Variants in MYOM1 observed in about 807,000 individuals in gnomAD.
MYOM1 encodes myomesin 1, also known as myomesin-1.
A neutral mutation model predicts 205.3 loss-of-function variants in MYOM1; 164 were observed. That is an observed-to-expected ratio of 0.80 (90% confidence interval 0.70 to 0.91). The LOEUF (loss-of-function observed/expected upper bound fraction) is 0.91. MYOM1 is among the 40% of genes least tolerant of loss of function. The pLI is 0.00. For missense variants in MYOM1, 2,011 were observed against 2,127.3 expected (o/e 0.95, Z 1.08); for synonymous variants, 772 against 789.4 (o/e 0.98, Z 0.37).
At chr18:3,146,404 T>C (rs1028164457) in intron 13 of MYOM1, among the ~76,000 whole-genome samples, 1 of 152,098 alleles carries the variant, frequency 6.6e-6, no homozygotes, top group Non-Finnish European at 1.5e-5. Flanking sequence ...CAGCATAACA[T>C]AGTGACATTC....
intron 5 of MYOM1, among the ~76,000 whole-genome samples, chr18:3,185,075 TC>T (rs2080791681): frequency 6.6e-6 from 1 of 152,268 alleles, no homozygotes; most frequent in East Asian, 1.9e-4. Flanking sequence ...TTTGGTCATC[TC>T]CTATTTTTCC....
intron 36 of MYOM1, among the ~76,000 whole-genome samples, chr18:3,073,260 T>C (rs2078982440): frequency 6.6e-6 from 1 of 152,182 alleles, no homozygotes; most frequent in African/African-American, 2.4e-5. Context: ...GCTGGGATCC[T>C]GGGTGCCCTC....
At position 3,075,724 on chromosome 18, in the gene MYOM1, C is replaced by A; in HGVS notation, c.4685+1G>T. 1 of 1,601,220 alleles carries A rather than the reference C, an allele frequency of 6.2e-7. No homozygotes were observed. Among genetic ancestry groups the A allele is most frequent in the Admixed American group, 1.7e-5 (1 of 58,332 alleles). ...GGCATTTGCTAGGACCAGGGACTTA[C>A]TTCAACCTCTGGAATTCAGCATAGG... On this transcript the variant is annotated splice_donor_variant, in intron 35 of 37. Transcript: ENST00000356443. LOFTEE classifies it high-confidence loss of function.
At chr18:3,149,642 T>C (rs2080188928) in intron 12 of MYOM1, among the ~76,000 whole-genome samples, 1 of 152,186 alleles carries the variant, frequency 6.6e-6, no homozygotes, top group Non-Finnish European at 1.5e-5. Context: ...GTGCCGATCC[T>C]GCGGTAAAGC....
rs780282480 is a variant in MYOM1, at chr18:3,075,757, G to A, written c.4653C>T (p.Tyr1551=). The change falls in exon 35 of 38, where the codon TAC becomes TAT. Residue 1551 remains tyrosine, a synonymous_variant. Coordinates refer to ENST00000356443, the MANE Select transcript of MYOM1 (RefSeq NM_003803.4). ...TCTGGAATTCAGCATAGGCCTCATC[G>A]TATGCTTTAAAAGAAAAAAGAAAAG... ...QKTVDLSGQA[Y]DEAYAEFQRL... 18 of 1,588,604 alleles carry A rather than the reference G, an allele frequency of 1.1e-5. No individual in the cohort carries two copies. The highest frequency in any genetic ancestry group is 3.5e-5 in the Admixed American group (2 of 56,528).
intron 23 of MYOM1, among the ~76,000 whole-genome samples, chr18:3,102,041 G>T (rs1192376280): frequency 8.6e-6 from 1 of 116,136 alleles, no homozygotes. Context: ...TGGCTCTGTT[G>T]CCCAGGCTGG....
At position 3,197,673 on chromosome 18, in the gene MYOM1, A is replaced by G. The variant is rs1248659115; in HGVS notation, c.291-3715T>C. ...CGGATCACGAGGTCAGGAGATCGAG[A>G]CCATCCTAGCTAACATGGTGAAACC... On this transcript the variant is annotated intron_variant, in intron 2 of 37. Transcript: ENST00000356443. 2.6e-5 allele frequency among the ~76,000 whole-genome samples: 4 copies of G among 151,764 alleles called. No homozygotes were observed. In the East Asian group the frequency reaches 7.8e-4, roughly 30 times the overall value.
At chr18:3,241,352 C>T in the MYOM1 span, among the ~76,000 whole-genome samples, 1 of 152,218 alleles carries the variant, frequency 6.6e-6, no homozygotes, top group Admixed American at 6.5e-5. Flanking sequence ...TGGTGCCCTG[C>T]ATCCCAGCTG....
the MYOM1 span, among the ~76,000 whole-genome samples, chr18:3,240,101 C>T: frequency 4.6e-5 from 7 of 152,024 alleles, no homozygotes; most frequent in South Asian, 2.1e-4. Flanking sequence ...AGTTTTATTT[C>T]GGGGATTCAA....
At chr18:3,202,209 A>G (rs1163752822) in intron 2 of MYOM1, among the ~76,000 whole-genome samples, 1 of 152,244 alleles carries the variant, frequency 6.6e-6, no homozygotes, top group African/African-American at 2.4e-5. Context: ...TAGTCAAGAA[A>G]CAAAAGAATT....
intron 3 of MYOM1, chr18:3,190,404 T>A (rs2080887436): frequency 6.6e-6 from 1 of 152,206 alleles, no homozygotes; most frequent in Admixed American, 6.5e-5. Flanking sequence ...TCTAAATCTA[T>A]GCTGCTTGCT....
chr18:3,176,060 T>C lies in MYOM1; in HGVS notation c.1004A>G (p.His335Arg). ...KYIIESRYGMHTLEINGCDFE... is the reference protein window; with the variant it reads ...KYIIESRYGMRTLEINGCDFE... ...CTCTTACCCATTAATCTCCAGAGTG[T>C]GCATCCCATATCGACTCTCAATAAT... is the stretch of plus-strand genomic sequence containing the variant. Residue 335 changes from histidine to arginine, a missense_variant, in exon 6 of 38, where the codon CAC becomes CGC. His to Arg is a conservative substitution (Grantham distance 29, BLOSUM62 0). Transcript: ENST00000356443. 6.3e-7 allele frequency: 1 copy of C among 1,599,540 alleles called. No homozygotes were observed. The highest frequency in any genetic ancestry group is 8.6e-7 in the Non-Finnish European group (1 of 1,166,746).
intron 20 of MYOM1, among the ~76,000 whole-genome samples, chr18:3,118,756 G>C (rs920490473): frequency 6.6e-6 from 1 of 152,162 alleles, no homozygotes. Flanking sequence ...CCACTTTTAT[G>C]CAGGTGGCAG....
rs375396428 is a variant in MYOM1, at chr18:3,068,919, A to AT, written c.4765-1365dup. On this transcript the variant is annotated intron_variant, in intron 37 of 37. Coordinates refer to ENST00000356443, the MANE Select transcript of MYOM1 (RefSeq NM_003803.4). ...GGAATGTATGATAAATGCATGTTTC[A>AT]TTTTTTCTTTATTTTTTTTAATTAA... 4.1e-3 allele frequency among the ~76,000 whole-genome samples: 623 copies of AT among 152,006 alleles called. 4 individuals are homozygous for AT. Among genetic ancestry groups the AT allele is most frequent in the African/African-American group, 0.015 (602 of 41,442 alleles).
At chr18:3,188,593 C>T (rs920985581) in intron 4 of MYOM1, among the ~76,000 whole-genome samples, 155 bp downstream of exon 4, 8 of 151,658 alleles carry the variant, frequency 5.3e-5, no homozygotes, top group African/African-American at 1.9e-4. Flanking sequence ...TGCGCCACTG[C>T]ACTCCAACCT....
At chr18:3,215,354 G>A (rs1295589244) in intron 1 of MYOM1, 103 bp from the exon 2 acceptor site, 2 of 944,896 alleles carry the variant, frequency 2.1e-6, no homozygotes, top group Non-Finnish European at 3.1e-6. Flanking sequence ...GGCTGGGTGC[G>A]GTGGTTCATG....
At chr18:3,226,762 A>T in the MYOM1 span, among the ~76,000 whole-genome samples, 1 of 152,152 alleles carries the variant, frequency 6.6e-6, no homozygotes, top group African/African-American at 2.4e-5. This position sits in a 1 kb window ranked among gnomAD's most constrained non-coding sequence, Gnocchi z 4.6. Context: ...AAAGCTCCTG[A>T]CCCACAACAG....
chr18:3,240,557 G>T, the MYOM1 span, among the ~76,000 whole-genome samples: 1 of 152,218 alleles, frequency 6.6e-6, no homozygotes, highest in Non-Finnish European at 1.5e-5. Flanking sequence ...GGAAATGTAA[G>T]TCCACTAAAC....
intron 8 of MYOM1, among the ~76,000 whole-genome samples, chr18:3,170,430 T>C (rs929220213): frequency 1.3e-5 from 2 of 152,196 alleles, no homozygotes; most frequent in Non-Finnish European, 2.9e-5. Context: ...ATAAAAATAA[T>C]TTTAAATTAA....
Sources: gnomAD v4.1 joint callset for allele counts (sites outside exome capture counted in the v4.1 genomes callset) on GRCh38, gnomAD v4.1.1 for gene constraint, Gnocchi (gnomAD v3.1) non-coding constraint, MANE v1.5 for transcripts, NCBI Gene and HGNC (gene_info 2026-07-23, HGNC 2026-07-21) for gene names.